USP20: variants seen among roughly 807,000 people sequenced by gnomAD.
USP20 encodes ubiquitin carboxyl-terminal hydrolase 20.
A neutral mutation model predicts 124.2 loss-of-function variants in USP20; 80 were observed. The observed-to-expected ratio is 0.64, with a 90% CI of 0.54 to 0.78. USP20 has a LOEUF of 0.78. Among genes scored for constraint, USP20 ranks in the 30% least tolerant of loss-of-function variants. The probability of loss-of-function intolerance (pLI) is 0.00; values close to 1 mark genes in which losing one functional copy is unlikely to be tolerated. For missense variants in USP20, 1,043 were observed against 1,244.4 expected, an observed-to-expected ratio of 0.84 and a Z score of 2.44; for synonymous variants, 481 against 512.3, an observed-to-expected ratio of 0.94 and a Z score of 0.83.
intron 3 of USP20, 71 bp from the exon 4 acceptor site, chr9:129,856,236 G>A (rs2033208147): frequency 6.7e-7 from 1 of 1,485,974 alleles, no homozygotes; most frequent in African/African-American, 1.4e-5. Flanking sequence ...CCAGGCAGGA[G>A]CAGTCTCAGT....
intron 14 of USP20, 35 bp from the exon 15 acceptor site, chr9:129,870,418 C>T (rs911233207): frequency 2.5e-6 from 4 of 1,608,420 alleles, no homozygotes; most frequent in Non-Finnish European, 1.7e-6. Flanking sequence ...TGCCCAGGCC[C>T]TGGCAGCACC....
Position 129,870,465 on chromosome 9 carries a change from C to T in USP20, c.1578C>T (p.Ser526=), listed in dbSNP as rs757997585. 1 of 1,614,136 alleles carries T rather than the reference C, an allele frequency of 6.2e-7. No individual in the cohort carries two copies. The highest frequency in any genetic ancestry group is 8.5e-7 in the Non-Finnish European group (1 of 1,180,026). The part of the protein sequence containing the change: ...IVEYIRRFVV[S]CTPSWFWGPV... ...TTTCTGTCTGTAGGTTTGTGGTATC[C>T]TGTACCCCCAGCTGGTTTTGGGGGC... Residue 526 remains serine, a synonymous_variant, in exon 15 of 26, where the codon TCC becomes TCT. Coordinates refer to ENST00000372429, the MANE Select transcript of USP20 (RefSeq NM_001110303.4).
intron 2 of USP20, among the ~76,000 whole-genome samples, chr9:129,850,950 A>G (rs55711781): frequency 0.15 from 22,672 of 152,038 alleles, 2,259 homozygotes; most frequent in African/African-American, 0.28. Flanking sequence ...CACCGCACCC[A>G]GTCTTTTGTT....
At chr9:129,856,419 G>A (rs1255642578) in intron 4 of USP20, 59 bp downstream of exon 4, 21 of 1,565,566 alleles carry the variant, frequency 1.3e-5, no homozygotes, top group Admixed American at 5.0e-5. Context: ...TATCAGCACT[G>A]CACAGGCTGG....
At position 129,865,300 on chromosome 9, in the gene USP20, C is replaced by T. The variant is rs1358453142; in HGVS notation, c.612-3C>T. On this transcript the variant is annotated splice_polypyrimidine_tract_variant and splice_region_variant and intron_variant, in intron 9 of 25. Transcript: ENST00000372429. ...TGGACTAATGGGTTTGGGCTTCCTA[C>T]AGGCCAAGCTACGTGGTCCCCACCA... 2 of 1,613,972 alleles carry T rather than the reference C, an allele frequency of 1.2e-6. No homozygotes were observed. Among genetic ancestry groups the T allele is most frequent in the Non-Finnish European group, 1.7e-6 (2 of 1,179,952 alleles).
At chr9:129,864,837 T>G (rs2033747646) in intron 9 of USP20, among the ~76,000 whole-genome samples, 1 of 151,994 alleles carries the variant, frequency 6.6e-6, no homozygotes, top group Admixed American at 6.6e-5. Flanking sequence ...GAAGCCAAGT[T>G]TAAATGTGTA....
At chr9:129,867,298 T>A (rs1406586350) in intron 10 of USP20, among the ~76,000 whole-genome samples, 1 of 152,206 alleles carries the variant, frequency 6.6e-6, no homozygotes, top group Non-Finnish European at 1.5e-5. Flanking sequence ...GAGCCCCTGC[T>A]GCCTTGGCTT....
chr9:129,867,509 G>A (rs1406096428), intron 10 of USP20, among the ~76,000 whole-genome samples: 1 of 152,164 alleles, frequency 6.6e-6, no homozygotes, highest in Admixed American at 6.5e-5. Flanking sequence ...GGTAGAGCAT[G>A]CAGGCAGTCT....
At chr9:129,861,505 G>T (rs370325343) in intron 7 of USP20, 38 bp from the exon 8 acceptor site, 4 of 1,595,124 alleles carry the variant, frequency 2.5e-6, no homozygotes, top group Non-Finnish European at 3.4e-6. Flanking sequence ...GTGGGGCAGG[G>T]TGCTCACCTG....
In USP20 at chr9:129,868,299, G is replaced by C; in HGVS notation, c.985G>C (p.Asp329His). The C allele has an allele frequency of 6.2e-7, 1 of 1,613,936 alleles. No individual in the cohort carries two copies. The highest frequency in any genetic ancestry group is 8.5e-7 in the Non-Finnish European group (1 of 1,179,966). The change falls in exon 11 of 26, where the codon GAC (aspartate) becomes CAC (histidine). Residue 329 changes from aspartate to histidine, a missense_variant. Asp to His is a moderately conservative substitution (Grantham distance 81). Transcript: ENST00000372429. The part of the protein sequence containing the change: ...RAISEKERMK[D>H]RKFSWGQQRT... ...CATCTCTGAGAAGGAGCGGATGAAG[G>C]ACCGCAAGTTCTCCTGGGGCCAGCA...
chr9:129,870,802 C>T (rs1452586351), intron 15 of USP20, among the ~76,000 whole-genome samples: 3 of 152,160 alleles, frequency 2.0e-5, no homozygotes, highest in South Asian at 4.1e-4. Context: ...ATTTGGTGGG[C>T]AAAAATGATG....
At chr9:129,880,372 T>C (rs979551336) in intron 25 of USP20, 83 bp downstream of exon 25, 13 of 1,438,682 alleles carry the variant, frequency 9.0e-6, no homozygotes, top group Non-Finnish European at 1.2e-5. Flanking sequence ...CTTTTGAACA[T>C]CCAAAGAGCA....
chr9:129,865,926 T>G (rs534472284), intron 10 of USP20, among the ~76,000 whole-genome samples: 1 of 152,366 alleles, frequency 6.6e-6, no homozygotes, highest in East Asian at 1.9e-4. Flanking sequence ...AGGCAAAATT[T>G]CACTTTTATT....
At chr9:129,851,125 G>A (rs1311964168) in intron 2 of USP20, among the ~76,000 whole-genome samples, 2 of 152,068 alleles carry the variant, frequency 1.3e-5, no homozygotes, top group Admixed American at 1.3e-4. Context: ...CGTAGGTGAA[G>A]CATTTATTTA....
intron 8 of USP20, among the ~76,000 whole-genome samples, chr9:129,862,680 T>A (rs966804846): frequency 5.7e-4 from 87 of 152,068 alleles, no homozygotes; most frequent in Admixed American, 3.8e-3. Context: ...TCAAGGCAAG[T>A]GGATCGCCTG....
chr9:129,862,953 G>A (rs200959849), intron 8 of USP20, among the ~76,000 whole-genome samples: 3 of 13,810 alleles, frequency 2.2e-4, no homozygotes, highest in Admixed American at 3.1e-3. Flanking sequence ...TAGATAAGAT[G>A]AGATAAAATA....
At chr9:129,848,251 G>A (rs147927431) in intron 1 of USP20, among the ~76,000 whole-genome samples, 2,024 of 149,502 alleles carry the variant, frequency 0.014, 35 homozygotes, top group South Asian at 0.063. Context: ...AGCTGAGATC[G>A]CACCATTGCA....
At chr9:129,874,476 A>C (rs1384946418) in intron 17 of USP20, 100 bp from the exon 18 acceptor site, 15 of 1,479,608 alleles carry the variant, frequency 1.0e-5, no homozygotes, top group Non-Finnish European at 1.4e-5. Flanking sequence ...CAATGGAGTC[A>C]GCTTGCATGA....
chr9:129,858,005 T>A (rs369783948), intron 4 of USP20, 45 bp from the exon 5 acceptor site: 1 of 1,567,224 alleles, frequency 6.4e-7, no homozygotes, highest in Non-Finnish European at 8.8e-7. Context: ...GTTGACACCA[T>A]CCTTTTGGCA....
Sources: allele counts gnomAD v4.1 joint callset (sites outside exome capture counted in the v4.1 genomes callset), GRCh38; gene constraint gnomAD v4.1.1; transcripts MANE v1.5; gene names NCBI Gene and HGNC (gene_info 2026-07-23, HGNC 2026-07-21).